TNPO1: variants seen among roughly 807,000 people sequenced by gnomAD.
The protein encoded by TNPO1 is transportin-1.
TNPO1 carries 8 observed loss-of-function variants against 119.5 expected under a neutral mutation model. The ratio of observed to expected loss-of-function variants is 0.07; its 90% CI spans 0.04 to 0.12. TNPO1 has a LOEUF of 0.12. Among genes scored for constraint, TNPO1 ranks in the 10% least tolerant of loss-of-function variants. The pLI is 1.00. For synonymous variants in TNPO1, 362 were observed against 363.0 expected (o/e 1.00, Z 0.03); for missense variants, 576 against 1,089.8 (o/e 0.53, Z 6.64).
chr5:72,848,767 C>T (rs1447156437), intron 2 of TNPO1, among the ~76,000 whole-genome samples: 1 of 147,778 alleles, frequency 6.8e-6, no homozygotes, highest in African/African-American at 2.4e-5. Flanking sequence ...GAGGCGGGGG[C>T]CCCCGGCCGC....
Position 72,911,741 on chromosome 5 carries a change from C to G in TNPO1, c.*3068C>G, listed in dbSNP as rs1445963017. 6.6e-6 allele frequency: 1 copy of G among 152,504 alleles called. No homozygotes were observed. Among genetic ancestry groups the G allele is most frequent in the African/African-American group, 2.4e-5 (1 of 41,410 alleles). 9.4% of individuals were successfully genotyped at this position (152,504 alleles called of 1,614,324 possible). A position where few individuals can be genotyped will look rare whatever the true frequency, so the allele number is the denominator to read the frequency against. The stretch of plus-strand genomic sequence containing the variant: ...CACACTAAAATGCTGTTAGTGTGCT[C>G]AACTACAGAAATAGCCGCTGCTAAG... On this transcript the variant is annotated 3_prime_UTR_variant, in exon 25 of 25. Coordinates refer to ENST00000337273, the MANE Select transcript of TNPO1 (RefSeq NM_002270.4).
intron 1 of TNPO1, among the ~76,000 whole-genome samples, chr5:72,821,608 T>C (rs1218278611): frequency 6.6e-6 from 1 of 152,218 alleles, no homozygotes; most frequent in South Asian, 2.1e-4. Context: ...AGGACTTTTG[T>C]GCCATTTATT....
intron 2 of TNPO1, among the ~76,000 whole-genome samples, chr5:72,849,223 G>C (rs968864459): frequency 1.3e-5 from 2 of 152,202 alleles, no homozygotes. Context: ...TGCTGGTGTA[G>C]TGATCCTGTT....
intron 13 of TNPO1, 117 bp from the exon 14 acceptor site, chr5:72,889,669 G>A (rs1748910220): frequency 1.8e-6 from 2 of 1,117,388 alleles, no homozygotes; most frequent in Non-Finnish European, 2.5e-6. Context: ...TTAACAGATG[G>A]CTTAGACCAT....
At position 72,911,437 on chromosome 5, in the gene TNPO1, T is replaced by C. The variant is rs1561372606; in HGVS notation, c.*2764T>C. 1 of 152,538 alleles carries C rather than the reference T, an allele frequency of 6.6e-6. No individual in the cohort carries two copies. Among genetic ancestry groups the C allele is most frequent in the Non-Finnish European group, 1.5e-5 (1 of 67,954 alleles). The allele number at this position is 152,538 out of a possible 1,614,324, so 9.4% of individuals were successfully genotyped here. ...TGTGTATTTTTCCCCCTTGAGGTTA[T>C]TGTTTCTTCCTAATTTATATTTCAG... On this transcript the variant is annotated 3_prime_UTR_variant, in exon 25 of 25. Transcript: ENST00000337273.
chr5:72,848,296 A>G (rs1745238866), intron 1 of TNPO1, 89 bp from the exon 2 acceptor site: 2 of 1,363,774 alleles, frequency 1.5e-6, no homozygotes, highest in Non-Finnish European at 1.9e-6. Context: ...GGCGGGGAGA[A>G]CGGGTCAGCT....
At chr5:72,897,012 C>A in intron 19 of TNPO1, 44 bp from the exon 20 acceptor site, 3 of 1,290,742 alleles carry the variant, frequency 2.3e-6, no homozygotes, top group South Asian at 3.1e-5. Context: ...TTTTAACGTT[C>A]AATTTTTTCT....
intron 24 of TNPO1, among the ~76,000 whole-genome samples, chr5:72,905,779 C>T (rs1353963990): frequency 6.6e-6 from 1 of 152,114 alleles, no homozygotes; most frequent in Non-Finnish European, 1.5e-5. Flanking sequence ...CTTTTGTAGT[C>T]CCTGCTACTC....
At chr5:72,850,758 A>C (rs1351967530) in intron 2 of TNPO1, among the ~76,000 whole-genome samples, 1 of 152,212 alleles carries the variant, frequency 6.6e-6, no homozygotes, top group Non-Finnish European at 1.5e-5. Flanking sequence ...CATAAATGGC[A>C]CTTTATCTTT....
At chr5:72,904,751 C>G (rs1014382363) in intron 23 of TNPO1, among the ~76,000 whole-genome samples, 1 of 152,166 alleles carries the variant, frequency 6.6e-6, no homozygotes, top group Non-Finnish European at 1.5e-5. Flanking sequence ...GAGCCAAGAT[C>G]ATGCCGTTGC....
chr5:72,858,872 T>C (rs1015270821), intron 4 of TNPO1, among the ~76,000 whole-genome samples: 10 of 151,986 alleles, frequency 6.6e-5, no homozygotes, highest in Middle Eastern at 3.5e-3. Context: ...TTTATAGTTT[T>C]GTTGTTGTTT....
At chr5:72,904,986 C>T (rs953140576) in intron 23 of TNPO1, among the ~76,000 whole-genome samples, 3 of 152,050 alleles carry the variant, frequency 2.0e-5, no homozygotes, top group Admixed American at 6.6e-5. Context: ...CTTATCAAAC[C>T]GTCAGATCTC....
chr5:72,855,998 T>G (rs2112282960), intron 4 of TNPO1, 75 bp downstream of exon 4: 1 of 1,477,464 alleles, frequency 6.8e-7, no homozygotes, highest in Non-Finnish European at 9.3e-7. Context: ...ATTATTTCCT[T>G]AGGAATTTTT....
At chr5:72,862,107 C>G (rs900409885) in intron 5 of TNPO1, among the ~76,000 whole-genome samples, 193 bp downstream of exon 5, 12 of 152,094 alleles carry the variant, frequency 7.9e-5, no homozygotes, top group Admixed American at 7.9e-4. Context: ...CATTATAAAC[C>G]TCTTTTACTG....
At chr5:72,833,069 T>A (rs1744547844) in intron 1 of TNPO1, among the ~76,000 whole-genome samples, 1 of 152,178 alleles carries the variant, frequency 6.6e-6, no homozygotes, top group South Asian at 2.1e-4. Flanking sequence ...GAAAACTGCC[T>A]TCTTCCTGAT....
chr5:72,868,471 A>G (rs1026428554), intron 6 of TNPO1, among the ~76,000 whole-genome samples: 1 of 148,830 alleles, frequency 6.7e-6, no homozygotes, highest in African/African-American at 2.5e-5. Context: ...ACAAAATAAT[A>G]TATCAGGCAT....
intron 4 of TNPO1, among the ~76,000 whole-genome samples, chr5:72,858,653 T>C (rs953926510): frequency 2.0e-4 from 30 of 152,222 alleles, no homozygotes; most frequent in Middle Eastern, 6.8e-3. Flanking sequence ...CTGGCTAACA[T>C]GGTGAAACCC....
At chr5:72,899,728 T>C (rs1487291384) in intron 20 of TNPO1, among the ~76,000 whole-genome samples, 2 of 152,140 alleles carry the variant, frequency 1.3e-5, no homozygotes, top group African/African-American at 4.8e-5. Flanking sequence ...GAAAAGCAAT[T>C]TCATCATGGT....
chr5:72,884,699 C>G (rs920821840), intron 11 of TNPO1, among the ~76,000 whole-genome samples: 7 of 152,096 alleles, frequency 4.6e-5, no homozygotes, highest in Non-Finnish European at 7.4e-5. Context: ...CTCTACTGCT[C>G]TAGTTCAGGG....
Sources: gnomAD v4.1 joint callset for allele counts (sites outside exome capture counted in the v4.1 genomes callset) on GRCh38, gnomAD v4.1.1 for gene constraint, MANE v1.5 for transcripts, NCBI Gene and HGNC (gene_info 2026-07-23, HGNC 2026-07-21) for gene names.